Variants in SEMA3E observed in about 807,000 individuals in gnomAD.
SEMA3E encodes the protein semaphorin-3E.
In SEMA3E, 49 loss-of-function variants were observed where a neutral mutation model predicts 93.6. That is an observed-to-expected ratio of 0.52 (90% CI 0.42 to 0.66). The LOEUF (loss-of-function observed/expected upper bound fraction) is 0.66, where lower values mean the gene tolerates loss of function less well. Among genes scored for constraint, SEMA3E ranks in the 30% least tolerant of loss-of-function variants. The pLI is 0.00. For synonymous variants in SEMA3E, 363 were observed against 330.7 expected, an observed-to-expected ratio of 1.10 and a Z score of -1.06; for missense variants, 906 against 964.8, an observed-to-expected ratio of 0.94 and a Z score of 0.81.
At chr7:83,617,993 T>C (rs1367404997) in intron 1 of SEMA3E, among the ~76,000 whole-genome samples, 2 of 152,094 alleles carry the variant, frequency 1.3e-5, no homozygotes, top group African/African-American at 4.8e-5. Context: ...ATAAGGAAGA[T>C]AACAAATAAG....
Position 83,600,486 on chromosome 7 carries a change from A to ATTTTTTTT in SEMA3E, c.115+47934_115+47941dup, listed in dbSNP as rs71522671. 2.3e-3 allele frequency among the ~76,000 whole-genome samples: 142 copies of ATTTTTTTT among 63,074 alleles called. 1 individual carries two copies. Among genetic ancestry groups the ATTTTTTTT allele is most frequent in the African/African-American group, 4.0e-3 (67 of 16,794 alleles). 41.4% of individuals were successfully genotyped at this position (63,074 alleles called of 152,430 possible). On this transcript the variant is annotated intron_variant, in intron 1 of 16. Coordinates refer to ENST00000643230, the MANE Select transcript of SEMA3E (RefSeq NM_012431.3). Reference sequence around the variant, plus strand: ...AGGCGCCCGCCACCACGCCCAGCTAATTTTTTTTTTTTTTTTTTTTTTTTT... The same window carrying ATTTTTTTT: ...AGGCGCCCGCCACCACGCCCAGCTAATTTTTTTTTTTTTTTTTTTTTTTTTTTTTTTTT...
chr7:83,447,319 G>A (rs1461630105), intron 4 of SEMA3E, among the ~76,000 whole-genome samples: 1 of 152,016 alleles, frequency 6.6e-6, no homozygotes, highest in Non-Finnish European at 1.5e-5. Flanking sequence ...GGTGGATCAC[G>A]AGGTCAGGAG....
At chr7:83,513,897 G>A (rs371101380) in intron 1 of SEMA3E, among the ~76,000 whole-genome samples, 17 of 152,212 alleles carry the variant, frequency 1.1e-4, no homozygotes, top group African/African-American at 3.9e-4. Flanking sequence ...TCTTGAATAG[G>A]AGCTAGGTAA....
intron 1 of SEMA3E, among the ~76,000 whole-genome samples, chr7:83,548,449 T>G (rs1483468830): frequency 6.6e-6 from 1 of 152,086 alleles, no homozygotes; most frequent in South Asian, 2.1e-4. Context: ...AATTAAATTA[T>G]ACATGACTCT....
chr7:83,534,540 C>T (rs1791373781), intron 1 of SEMA3E, among the ~76,000 whole-genome samples: 3 of 152,058 alleles, frequency 2.0e-5, no homozygotes, highest in African/African-American at 7.2e-5. Context: ...AGAAGCTGGT[C>T]TATAAAATTG....
intron 3 of SEMA3E, among the ~76,000 whole-genome samples, chr7:83,466,894 TTTC>T (rs1172766767): frequency 1.3e-5 from 2 of 152,136 alleles, no homozygotes; most frequent in Admixed American, 1.3e-4. Flanking sequence ...TATTCAGAAA[TTTC>T]TTCAAGTGTA....
rs375479664 is a variant in SEMA3E, at chr7:83,527,736, C to T, written c.116-37462G>A. Among the ~76,000 whole-genome samples the T allele has an allele frequency of 3.1e-4, 47 of 151,446 alleles. 1 individual carries two copies. The highest frequency in any genetic ancestry group is 1.1e-3 in the African/African-American group (44 of 41,336). The stretch of plus-strand genomic sequence containing the variant: ...ATAGCATTTTCATGAAGTATTTTCC[C>T]AGAATCATATATATTGTCAATATTT... On this transcript the variant is annotated intron_variant, in intron 1 of 16. Transcript: ENST00000643230.
intron 4 of SEMA3E, among the ~76,000 whole-genome samples, chr7:83,457,291 C>T (rs1789505962): frequency 6.6e-6 from 1 of 152,104 alleles, no homozygotes; most frequent in Non-Finnish European, 1.5e-5. Context: ...TTTAATAATT[C>T]AGTCTATTCT....
intron 4 of SEMA3E, among the ~76,000 whole-genome samples, chr7:83,426,593 T>C (rs929957522): frequency 6.6e-6 from 1 of 152,116 alleles, no homozygotes; most frequent in African/African-American, 2.4e-5. Context: ...TACCTGGCGA[T>C]GGGATTAATC....
In SEMA3E at chr7:83,619,904, C is replaced by CAGACAGATAGATAGAT. The variant is rs71522672; in HGVS notation, c.115+28523_115+28524insATCTATCTATCTGTCT. ...GATAGATGATAGATAGATAGATAGA[C>CAGACAGATAGATAGAT]AGATAGATAGATAGATAGACAGATA... On this transcript the variant is annotated intron_variant, in intron 1 of 16. Coordinates refer to ENST00000643230, the MANE Select transcript of SEMA3E (RefSeq NM_012431.3). Among the ~76,000 whole-genome samples, 555 of 148,142 alleles carry CAGACAGATAGATAGAT rather than the reference C, an allele frequency of 3.7e-3. 1 individual carries two copies. Among genetic ancestry groups the CAGACAGATAGATAGAT allele is most frequent in the East Asian group, 5.9e-3 (30 of 5,044 alleles).
rs183375743 is a variant in SEMA3E, at chr7:83,439,918, G to A, written c.457-21435C>T. ...AACCAGCATGTGGTTCTGCTTCACT[G>A]GAACCACATGATCAGTGGTAAAAGA... is the stretch of plus-strand genomic sequence containing the variant. On this transcript the variant is annotated intron_variant, in intron 4 of 16. Transcript: ENST00000643230. Among the ~76,000 whole-genome samples the A allele has an allele frequency of 3.4e-3, 515 of 152,222 alleles. 3 individuals carry two copies. Among genetic ancestry groups the A allele is most frequent in the Middle Eastern group, 0.017 (5 of 294 alleles).
chr7:83,428,330 T>TTA (rs1315197379), intron 4 of SEMA3E, among the ~76,000 whole-genome samples: 2 of 152,198 alleles, frequency 1.3e-5, no homozygotes, highest in African/African-American at 4.8e-5. Context: ...AACTAGAATA[T>TTA]TATAAGTACT....
At position 83,504,475 on chromosome 7, in the gene SEMA3E, C is replaced by T. The variant is rs530174771; in HGVS notation, c.116-14201G>A. On this transcript the variant is annotated intron_variant, in intron 1 of 16. Transcript: ENST00000643230. ...TTACGTGCCTCAATTACTGTAGTGG[C>T]TACAATGTGAGCTGGATGCTTCTTA... 2.2e-4 allele frequency among the ~76,000 whole-genome samples: 34 copies of T among 152,254 alleles called. No individual in the cohort carries two copies. The South Asian group carries it at 7.1e-3, about 32-fold the overall frequency.
At chr7:83,604,423 C>CTA (rs780856625) in intron 1 of SEMA3E, among the ~76,000 whole-genome samples, 71 of 135,810 alleles carry the variant, frequency 5.2e-4, no homozygotes, top group South Asian at 4.7e-4. Flanking sequence ...GTGGTTTTCT[C>CTA]TCTCTATATA....
intron 1 of SEMA3E, among the ~76,000 whole-genome samples, chr7:83,499,471 T>A (rs1329373587): frequency 6.6e-6 from 1 of 152,174 alleles, no homozygotes; most frequent in Non-Finnish European, 1.5e-5. Flanking sequence ...TAAGCATCTT[T>A]CATATATCTT....
chr7:83,516,294 T>A (rs1021963355), intron 1 of SEMA3E, among the ~76,000 whole-genome samples: 2 of 152,192 alleles, frequency 1.3e-5, no homozygotes, highest in Admixed American at 6.5e-5. Flanking sequence ...AAACATATAT[T>A]TCTTTCTAAA....
intron 1 of SEMA3E, among the ~76,000 whole-genome samples, chr7:83,538,452 T>G (rs992223941): frequency 5.9e-5 from 9 of 152,176 alleles, no homozygotes; most frequent in Admixed American, 4.6e-4. Flanking sequence ...TGAGCATCTT[T>G]TCATGTGCTT....
At position 83,408,515 on chromosome 7, in the gene SEMA3E, G is replaced by A. The variant is rs1057006758; in HGVS notation, c.551-28C>T. On this transcript the variant is annotated intron_variant, in intron 5 of 16. Coordinates refer to ENST00000643230, the MANE Select transcript of SEMA3E (RefSeq NM_012431.3). ...ACACGGGAGCATCAGTAAAAAAGAA[G>A]TCAGTATTTGTTAATATGTTAACAA... 5 of 1,611,456 alleles carry A rather than the reference G, an allele frequency of 3.1e-6. No individual in the cohort carries two copies. The East Asian group carries it at 1.1e-4, about 36-fold the overall frequency.
At chr7:83,423,392 A>C (rs544513893) in intron 4 of SEMA3E, among the ~76,000 whole-genome samples, 1 of 152,118 alleles carries the variant, frequency 6.6e-6, no homozygotes, top group East Asian at 1.9e-4. Context: ...TCAAATACCT[A>C]TCTCACATTT....
Sources: allele counts gnomAD v4.1 joint callset (sites outside exome capture counted in the v4.1 genomes callset), GRCh38; gene constraint gnomAD v4.1.1; transcripts MANE v1.5; gene names NCBI Gene and HGNC (gene_info 2026-07-23, HGNC 2026-07-21).